Variants in ARHGAP18 observed in about 807,000 individuals in gnomAD.
ARHGAP18 encodes the protein Rho GTPase activating protein 18.
A neutral mutation model predicts 86.2 loss-of-function variants in ARHGAP18; 67 were observed. The ratio of observed to expected loss-of-function variants is 0.78; its 90% confidence interval spans 0.64 to 0.95. The LOEUF is 0.95. Ranked by LOEUF, ARHGAP18 falls within the 40% of genes least tolerant of loss-of-function variation. ARHGAP18 has a pLI of 0.00. For synonymous variants in ARHGAP18, 283 were observed against 280.4 expected, an observed-to-expected ratio of 1.01 and a Z score of -0.09; for missense variants, 691 against 780.4, an observed-to-expected ratio of 0.89 and a Z score of 1.37.
chr6:129,700,448 C>CT (rs35809578), intron 1 of ARHGAP18, among the ~76,000 whole-genome samples: 2 of 152,122 alleles, frequency 1.3e-5, no homozygotes, highest in Non-Finnish European at 2.9e-5. Flanking sequence ...TTTTAGGGTA[C>CT]TTTTTGGATA....
At chr6:129,678,668 T>C (rs1036619742) in intron 1 of ARHGAP18, among the ~76,000 whole-genome samples, 1 of 152,184 alleles carries the variant, frequency 6.6e-6, no homozygotes, top group African/African-American at 2.4e-5. Context: ...AAAATACGTA[T>C]GCCTGTGACT....
At chr6:129,700,895 G>T (rs913038851) in intron 1 of ARHGAP18, among the ~76,000 whole-genome samples, 3 of 151,644 alleles carry the variant, frequency 2.0e-5, no homozygotes, top group African/African-American at 7.3e-5. Flanking sequence ...CAATCACTAC[G>T]CCTCCTCCCA....
At chr6:129,631,988 C>T (rs983537664) in intron 4 of ARHGAP18, among the ~76,000 whole-genome samples, 1 of 152,072 alleles carries the variant, frequency 6.6e-6, no homozygotes, top group Admixed American at 6.5e-5. Flanking sequence ...AACTTAACAA[C>T]CTTTTCATTT....
chr6:129,649,427 G>A lies in ARHGAP18; in HGVS notation c.114-7409C>T, dbSNP rs146609928. On this transcript the variant is annotated intron_variant, in intron 1 of 14. Transcript: ENST00000368149. Reference sequence around the variant, plus strand: ...AAATTAGCTGGGTGTAGTGGCGCACGCCTGTAGTCCCAGCTACTCTGGAGG... The same window carrying A: ...AAATTAGCTGGGTGTAGTGGCGCACACCTGTAGTCCCAGCTACTCTGGAGG... 5.7e-3 allele frequency among the ~76,000 whole-genome samples: 861 copies of A among 151,904 alleles called. 11 individuals carry two copies. Among genetic ancestry groups the A allele is most frequent in the African/African-American group, 0.02 (830 of 41,412 alleles).
chr6:129,700,461 A>T (rs1774692456), intron 1 of ARHGAP18, among the ~76,000 whole-genome samples: 1 of 152,214 alleles, frequency 6.6e-6, no homozygotes, highest in Non-Finnish European at 1.5e-5. Flanking sequence ...TTTGGATATT[A>T]AATGTAGTAT....
intron 2 of ARHGAP18, 145 bp downstream of exon 2, chr6:129,641,671 C>T (rs751936466): frequency 5.3e-5 from 39 of 741,940 alleles, no homozygotes; most frequent in Non-Finnish European, 7.5e-5. Flanking sequence ...AAATCTGCCT[C>T]AAACAAGTAT....
chr6:129,614,702 C>A (rs183450183), intron 7 of ARHGAP18, among the ~76,000 whole-genome samples: 7 of 150,784 alleles, frequency 4.6e-5, no homozygotes, highest in Non-Finnish European at 7.4e-5. Flanking sequence ...TAGGCCATAG[C>A]GCCCAGGTGT....
At position 129,680,346 on chromosome 6, in the gene ARHGAP18, C is replaced by T. The variant is rs556932008; in HGVS notation, c.113+29678G>A. On this transcript the variant is annotated intron_variant, in intron 1 of 14. Transcript: ENST00000368149. ...AGAGTTTTTCTGCTTCTGAATAGGT[C>T]CCCAAAAGCAAGGTTCTCTACTCCT... Among the ~76,000 whole-genome samples, 44 of 152,254 alleles carry T rather than the reference C, an allele frequency of 2.9e-4. No individual in the cohort carries two copies. The South Asian group carries it at 7.3e-3, about 25-fold the overall frequency.
chr6:129,628,537 T>A (rs1020043610), intron 5 of ARHGAP18, among the ~76,000 whole-genome samples: 1 of 152,100 alleles, frequency 6.6e-6, no homozygotes, highest in Non-Finnish European at 1.5e-5. Flanking sequence ...CTAGTGAACA[T>A]CTCTCCTTAG....
intron 4 of ARHGAP18, among the ~76,000 whole-genome samples, chr6:129,633,577 C>T (rs1204831760): frequency 1.3e-5 from 2 of 152,028 alleles, no homozygotes; most frequent in Admixed American, 6.6e-5. Context: ...AAAAAGTTTT[C>T]CTACAATATC....
intron 5 of ARHGAP18, among the ~76,000 whole-genome samples, chr6:129,624,787 A>G (rs1401254256): frequency 6.6e-6 from 1 of 150,588 alleles, no homozygotes; most frequent in Non-Finnish European, 1.5e-5. Context: ...TCTACCAAAA[A>G]TACAAAAATC....
At chr6:129,613,093 C>T (rs958090809) in intron 7 of ARHGAP18, among the ~76,000 whole-genome samples, 3 of 151,782 alleles carry the variant, frequency 2.0e-5, no homozygotes, top group Non-Finnish European at 2.9e-5. Flanking sequence ...ATTAGCCAGG[C>T]GTGGTGGCAG....
rs745580689 is a variant in ARHGAP18 at position 129,629,380 on chromosome 6, C to T, written c.759G>A (p.Lys253=). 4.8e-5 allele frequency: 78 copies of T among 1,613,522 alleles called. No individual in the cohort carries two copies. The highest frequency in any genetic ancestry group is 5.5e-5 in the Non-Finnish European group (65 of 1,179,912). Residue 253 remains lysine, a synonymous_variant, in exon 5 of 15, where the codon AAG becomes AAA. Coordinates refer to ENST00000368149, the MANE Select transcript of ARHGAP18 (RefSeq NM_033515.3). ...QKESSKEKIQ[K]SKGDDATLPS... ...GTAATGTGGCATCATCGCCTTTGCT[C>T]TTCTGGATTTTCTCCTTGGAGCTCT...
intron 1 of ARHGAP18, among the ~76,000 whole-genome samples, chr6:129,646,124 A>G (rs1394198951): frequency 6.6e-6 from 1 of 152,206 alleles, no homozygotes; most frequent in Non-Finnish European, 1.5e-5. Context: ...TTATTCTGCT[A>G]TCAATGCAGT....
rs187220244 is a variant in ARHGAP18, at chr6:129,686,854, G to A, written c.113+23170C>T. ...GGCCCAGGCCGGTGTGCAATGGCGC[G>A]ATCTCGGATCACTGCAACCTCCACC... On this transcript the variant is annotated intron_variant, in intron 1 of 14. Transcript: ENST00000368149. Among the ~76,000 whole-genome samples the A allele has an allele frequency of 1.2e-3, 170 of 146,886 alleles. 3 individuals are homozygous for A. The highest frequency in any genetic ancestry group is 4.0e-3 in the African/African-American group (160 of 40,022).
At position 129,577,151 on chromosome 6, in the gene ARHGAP18, C is replaced by T. The variant is rs1235383004; in HGVS notation, c.*1362G>A. On this transcript the variant is annotated 3_prime_UTR_variant, in exon 15 of 15. Transcript: ENST00000368149. ...TTTCTTTTAAATAAAAAAGCAATGGCACGAATCACCACAAAATCATTTAAG... is the reference window on the plus strand; with the variant it reads ...TTTCTTTTAAATAAAAAAGCAATGGTACGAATCACCACAAAATCATTTAAG... 1.3e-5 allele frequency: 2 copies of T among 152,018 alleles called. No homozygotes were observed. The highest frequency in any genetic ancestry group is 1.5e-5 in the Non-Finnish European group (1 of 67,956). The allele number at this position is 152,018 out of a possible 1,614,324, so 9.4% of individuals were successfully genotyped here. A position where few individuals can be genotyped will look rare whatever the true frequency, so the allele number is the denominator to read the frequency against.
intron 1 of ARHGAP18, among the ~76,000 whole-genome samples, chr6:129,648,713 TTTACA>T (rs1392844601): frequency 1.4e-5 from 2 of 147,548 alleles, no homozygotes; most frequent in Admixed American, 1.3e-4. Context: ...ATACTGTGTC[TTTACA>T]TTATCTCTAT....
chr6:129,636,034 C>A (rs1283973382), intron 3 of ARHGAP18, among the ~76,000 whole-genome samples: 1 of 152,200 alleles, frequency 6.6e-6, no homozygotes, highest in Non-Finnish European at 1.5e-5. Flanking sequence ...ATTCCCTCCC[C>A]CTTTTCACTT....
intron 12 of ARHGAP18, among the ~76,000 whole-genome samples, chr6:129,593,989 ATTTTT>A (rs1182371968): frequency 6.6e-6 from 1 of 152,124 alleles, no homozygotes; most frequent in East Asian, 1.9e-4. Context: ...CAAAATTATT[ATTTTT>A]TTAACAGGGG....
Sources: allele counts gnomAD v4.1 joint callset (sites outside exome capture counted in the v4.1 genomes callset), GRCh38; gene constraint gnomAD v4.1.1; transcripts MANE v1.5; gene names NCBI Gene and HGNC (gene_info 2026-07-23, HGNC 2026-07-21).